Variants in NBPF9 observed in about 807,000 individuals in gnomAD.
The protein encoded by NBPF9 is NBPF family member NBPF9.
Under a neutral mutation model 97.8 loss-of-function variants are expected in NBPF9, and 91 were observed. The observed-to-expected ratio is 0.93, with a 90% CI of 0.79 to 1.11. NBPF9 has a LOEUF of 1.11. Ranked by LOEUF, NBPF9 falls within the 50% of genes least tolerant of loss-of-function variation. The pLI, the probability that NBPF9 is intolerant of heterozygous loss-of-function variation, is 0.00. For synonymous variants in NBPF9, 334 were observed against 359.5 expected (o/e 0.93, Z 0.80); for missense variants, 992 against 939.5 (o/e 1.06, Z -0.73).
chr1:149,063,480 G>T (rs1248658763), intron 20 of NBPF9, among the ~76,000 whole-genome samples, 153 bp downstream of exon 20: 1 of 145,936 alleles, frequency 6.9e-6, no homozygotes, highest in African/African-American at 2.6e-5. Context: ...GGGCTTCCAA[G>T]TGGAACTAGA....
At chr1:149,079,323 T>C (rs1281623264) in intron 8 of NBPF9, 102 bp from the exon 9 acceptor site, 41 of 1,261,782 alleles carry the variant, frequency 3.2e-5, no homozygotes, top group Non-Finnish European at 4.4e-5. Flanking sequence ...AAGGAGACCT[T>C]GAAACAGAAG....
intron 15 of NBPF9, 78 bp from the exon 16 acceptor site, chr1:149,071,217 T>G (rs1198965243): frequency 1.3e-5 from 15 of 1,140,104 alleles, no homozygotes; most frequent in Middle Eastern, 5.7e-4. Flanking sequence ...TAGCTGGTTT[T>G]GACAGGCGGC....
rs1189613221 is a variant in NBPF9 at position 149,059,489 on chromosome 1, A to C, written c.2585+211T>G. 3.5e-5 allele frequency: 14 copies of C among 398,532 alleles called. 4 individuals carry two copies. The African/African-American group carries it at 3.9e-4, about 11-fold the overall frequency. The allele number at this position is 398,532 out of a possible 1,614,324, so 24.7% of individuals were successfully genotyped here. A position where few individuals can be genotyped will look rare whatever the true frequency, so the allele number is the denominator to read the frequency against. The stretch of plus-strand genomic sequence containing the variant: ...AGTGGCCATGAAAGTACAGCTTTTG[A>C]AGTATGGTCAACCTATGGTACGTTA... On this transcript the variant is annotated intron_variant, in intron 25 of 29. Coordinates refer to ENST00000584027, the Ensembl canonical transcript of NBPF9.
At chr1:149,074,312 C>T (rs1426058617) in intron 12 of NBPF9, among the ~76,000 whole-genome samples, 8,917 of 150,758 alleles carry the variant, frequency 0.059, 855 homozygotes, top group East Asian at 0.47. Context: ...GACAAGTATG[C>T]GAAAGATTTT....
At chr1:149,071,050 T>A (rs587734078) in exon 16 of NBPF9, 1 of 1,611,194 alleles carries the variant, frequency 6.2e-7, no homozygotes, top group East Asian at 2.2e-5. Flanking sequence ...CTGGTTGGAG[T>A]CATAAGGGCC....
intron 15 of NBPF9, among the ~76,000 whole-genome samples, 176 bp from the exon 16 acceptor site, chr1:149,071,315 G>A (rs2079390945): frequency 6.6e-6 from 1 of 151,798 alleles, no homozygotes; most frequent in East Asian, 1.9e-4. Context: ...GACCATGGCT[G>A]CCATGGGAAC....
chr1:149,059,832 A>G lies in NBPF9; in HGVS notation c.2477-24T>C. The G allele has an allele frequency of 5.6e-6, 3 of 532,162 alleles. 1 individual carries two copies. Among genetic ancestry groups the G allele is most frequent in the Non-Finnish European group, 1.0e-5 (3 of 290,784 alleles). The allele number at this position is 532,162 out of a possible 1,614,324, so 33.0% of individuals were successfully genotyped here. On this transcript the variant is annotated intron_variant, in intron 24 of 29. Transcript: ENST00000584027. Reference sequence around the variant, plus strand: ...TTCTGCAATAAATTCAGACATGGACAGACACATTAAGCTGATTCCCCTACA... The same window carrying G: ...TTCTGCAATAAATTCAGACATGGACGGACACATTAAGCTGATTCCCCTACA...
Position 149,076,596 on chromosome 1 carries a change from G to C in NBPF9, c.778+612C>G, listed in dbSNP as rs1382157039. Among the ~76,000 whole-genome samples the C allele has an allele frequency of 7.3e-5, 11 of 149,838 alleles. 1 individual carries two copies. The highest frequency in any genetic ancestry group is 6.0e-5 in the Non-Finnish European group (4 of 67,212). On this transcript the variant is annotated intron_variant, in intron 11 of 29. Transcript: ENST00000584027. The stretch of plus-strand genomic sequence containing the variant: ...CGGCTCACTGCAAGCTCCGGTTCCT[G>C]GGTTCATGCCATTCTCCTGCCTCAG...
intron 13 of NBPF9, among the ~76,000 whole-genome samples, 193 bp from the exon 14 acceptor site, chr1:149,073,125 G>A (rs1311926490): frequency 6.7e-6 from 1 of 148,826 alleles, no homozygotes; most frequent in African/African-American, 2.5e-5. Flanking sequence ...TATCAGAGAG[G>A]GCTCCTGCAA....
intron 2 of NBPF9, among the ~76,000 whole-genome samples, chr1:149,101,901 T>C (rs2082166421): frequency 6.8e-6 from 1 of 148,078 alleles, no homozygotes; most frequent in South Asian, 2.2e-4. Flanking sequence ...GTGGTTCACT[T>C]GGTAAAAATT....
chr1:149,064,948 T>C (rs1319673311), intron 18 of NBPF9: 4 of 533,394 alleles, frequency 7.5e-6, no homozygotes, highest in South Asian at 6.3e-5. Context: ...TCAGCTATTA[T>C]GGCTTTTGTG....
rs1181910176 is a variant in NBPF9, at chr1:149,059,984, T to A, written c.2477-176A>T. On this transcript the variant is annotated intron_variant, in intron 24 of 29. Transcript: ENST00000584027. Reference sequence around the variant, plus strand: ...GTTATGATAGAAATTCCTCAGTTTTTCTCCCAGAAACTGTGGGTAAAATGT... The same window carrying A: ...GTTATGATAGAAATTCCTCAGTTTTACTCCCAGAAACTGTGGGTAAAATGT... 1.9e-4 allele frequency: 78 copies of A among 407,286 alleles called. 24 individuals are homozygous for A. The highest frequency in any genetic ancestry group is 3.3e-4 in the Non-Finnish European group (75 of 224,390). The allele number at this position is 407,286 out of a possible 1,614,324, so 25.2% of individuals were successfully genotyped here. A position where few individuals can be genotyped will look rare whatever the true frequency, so the allele number is the denominator to read the frequency against.
rs1379849788 is a variant in NBPF9 at position 149,081,996 on chromosome 1, G to A, written c.144C>T (p.Ala48=). Reference sequence around the variant, plus strand: ...TCTTCTGTCGGTTGGCCAGGAAGCCGGCCAGTTGAGTTAGAAAACATCTCT... The same window carrying A: ...TCTTCTGTCGGTTGGCCAGGAAGCCAGCCAGTTGAGTTAGAAAACATCTCT... Residue 48 remains alanine (A), a synonymous_variant, in exon 7 of 30, where the codon GCC becomes GCT. Transcript: ENST00000584027. 98 of 1,605,394 alleles carry A rather than the reference G, an allele frequency of 6.1e-5. 1 individual carries two copies. Among genetic ancestry groups the A allele is most frequent in the East Asian group, 2.2e-4 (10 of 44,666 alleles).
chr1:149,070,682 A>T (rs2079333457), intron 16 of NBPF9, among the ~76,000 whole-genome samples: 1 of 151,986 alleles, frequency 6.6e-6, no homozygotes, highest in Non-Finnish European at 1.5e-5. Flanking sequence ...CCTGACAGAT[A>T]CTGCCTGTGC....
Position 149,081,952 on chromosome 1 carries a change from C to T in NBPF9, c.175+13G>A. ...ATTCATCACTTTCATGACGGTGAGC[C>T]TATAGATCTTACTGTATTTCTTCTG... On this transcript the variant is annotated intron_variant, in intron 7 of 29. Coordinates refer to ENST00000584027, the Ensembl canonical transcript of NBPF9. 1.3e-6 allele frequency: 2 copies of T among 1,541,640 alleles called. No homozygotes were observed.
chr1:149,073,014 C>A, intron 13 of NBPF9, 82 bp from the exon 14 acceptor site: 1 of 1,502,724 alleles, frequency 6.7e-7, no homozygotes, highest in Non-Finnish European at 9.3e-7. Flanking sequence ...ATTTCTGAAA[C>A]AGTGTCCTCA....
exon 30 of NBPF9, chr1:149,054,603 T>A (rs1414822228): frequency 3.4e-5 from 5 of 148,026 alleles, no homozygotes; most frequent in African/African-American, 1.2e-4. Context: ...CATGAAGACA[T>A]TTTCAGACAA....
intron 8 of NBPF9, 28 bp downstream of exon 8, chr1:149,080,025 C>T (rs782442313): frequency 3.8e-6 from 6 of 1,584,630 alleles, no homozygotes; most frequent in East Asian, 4.5e-5. Flanking sequence ...CACCTACCCG[C>T]CTGCCTCCCC....
At chr1:149,099,802 C>G (rs2082027886) in intron 3 of NBPF9, among the ~76,000 whole-genome samples, 1 of 151,662 alleles carries the variant, frequency 6.6e-6, no homozygotes, top group Non-Finnish European at 1.5e-5. Context: ...CTGGGCACTA[C>G]AGGAAAACCC....
Sources: gnomAD v4.1 joint callset for allele counts (sites outside exome capture counted in the v4.1 genomes callset) on GRCh38, gnomAD v4.1.1 for gene constraint, MANE v1.5 for transcripts, NCBI Gene and HGNC (gene_info 2026-07-23, HGNC 2026-07-21) for gene names.